CNTRL: variants seen among roughly 807,000 people sequenced by gnomAD.
CNTRL encodes 110 kDa centrosomal protein.
Under a neutral mutation model 303.7 loss-of-function variants are expected in CNTRL, and 233 were observed. The observed-to-expected ratio is 0.77, with a 90% confidence interval of 0.69 to 0.86. CNTRL has a LOEUF of 0.86. Among genes scored for constraint, CNTRL ranks in the 40% least tolerant of loss-of-function variants. The probability of loss-of-function intolerance (pLI) is 0.00; values close to 1 mark genes in which losing one functional copy is unlikely to be tolerated. For synonymous variants in CNTRL, 900 were observed against 922.2 expected (o/e 0.98, Z 0.44); for missense variants, 2,524 against 2,650.6 (o/e 0.95, Z 1.05).
At chr9:121,169,882 C>A in intron 39 of CNTRL, 66 bp downstream of exon 39, 1 of 1,244,590 alleles carries the variant, frequency 8.0e-7, no homozygotes, top group Non-Finnish European at 1.2e-6. Flanking sequence ...ACTGCAACAC[C>A]ACTTCAACAC....
At chr9:121,160,120 A>G in intron 31 of CNTRL, 23 bp from the exon 32 acceptor site, 1 of 1,429,950 alleles carries the variant, frequency 7.0e-7, no homozygotes, top group Non-Finnish European at 9.2e-7. Context: ...AGGAGGGAAT[A>G]ACTTTTTTTT....
At chr9:121,176,064 A>C (rs2053511278) in intron 43 of CNTRL, among the ~76,000 whole-genome samples, 1 of 152,244 alleles carries the variant, frequency 6.6e-6, no homozygotes, top group Non-Finnish European at 1.5e-5. Flanking sequence ...TAGCACACAC[A>C]ACTGTCAGAG....
intron 39 of CNTRL, 173 bp from the exon 40 acceptor site, chr9:121,171,235 G>A (rs994728612): frequency 5.7e-6 from 4 of 702,940 alleles, no homozygotes; most frequent in South Asian, 1.5e-5. Flanking sequence ...GTGTATATAC[G>A]CCCAGCTGTA....
chr9:121,091,295 C>A (rs531028136), intron 4 of CNTRL, among the ~76,000 whole-genome samples: 1 of 152,070 alleles, frequency 6.6e-6, no homozygotes, highest in East Asian at 1.9e-4. Flanking sequence ...ATTTCTACCA[C>A]GTATTATTCA....
Position 121,092,757 on chromosome 9 carries a change from ATC to A in CNTRL, c.349-2129_349-2128del, listed in dbSNP as rs2048707447. Among the ~76,000 whole-genome samples, 3 of 97,676 alleles carry A rather than the reference ATC, an allele frequency of 3.1e-5. 1 individual carries two copies. The highest frequency in any genetic ancestry group is 1.2e-4 in the African/African-American group (3 of 25,062). The allele number at this position is 97,676 out of a possible 152,430, so 64.1% of individuals were successfully genotyped here. On this transcript the variant is annotated intron_variant, in intron 4 of 43. Coordinates refer to ENST00000373855, the MANE Select transcript of CNTRL (RefSeq NM_007018.6). ...TAATATATATCTATATATAATATATATCTATATATATTATATATATCTATATA... is the reference window on the plus strand; with the variant it reads ...TAATATATATCTATATATAATATATATATATATATTATATATATCTATATA...
At chr9:121,080,035 G>A (rs2048079475) in intron 1 of CNTRL, among the ~76,000 whole-genome samples, 1 of 152,022 alleles carries the variant, frequency 6.6e-6, no homozygotes. Context: ...ATCATGCTAG[G>A]CCATAGAGAA....
chr9:121,176,816 C>CT (rs887244663), intron 43 of CNTRL, among the ~76,000 whole-genome samples: 11 of 152,276 alleles, frequency 7.2e-5, no homozygotes, highest in African/African-American at 2.6e-4. Flanking sequence ...AGATACTACA[C>CT]TTGATCTTAG....
chr9:121,149,195 G>A (rs2052057877), intron 24 of CNTRL, among the ~76,000 whole-genome samples: 1 of 152,146 alleles, frequency 6.6e-6, no homozygotes, highest in South Asian at 2.1e-4. Flanking sequence ...TTGTGTCCTT[G>A]CATCACGGCA....
rs2049660248 is a variant in CNTRL at position 121,109,721 on chromosome 9, A to G, written c.1002+1726A>G. 2.0e-5 allele frequency among the ~76,000 whole-genome samples: 3 copies of G among 152,270 alleles called. No homozygotes were observed. The South Asian group carries it at 6.2e-4, about 32-fold the overall frequency. On this transcript the variant is annotated intron_variant, in intron 8 of 43. Coordinates refer to ENST00000373855, the MANE Select transcript of CNTRL (RefSeq NM_007018.6). The stretch of plus-strand genomic sequence containing the variant: ...GTACACTTCAAAAAGCTTCTAACCA[A>G]TTTATATTTCAGAAGGGAAGAAAAT...
chr9:121,090,435 T>A (rs1301072818), intron 4 of CNTRL, 30 bp downstream of exon 4: 1 of 1,595,352 alleles, frequency 6.3e-7, no homozygotes, highest in South Asian at 1.1e-5. Context: ...TGAGCATAGA[T>A]ACTGTTTTTA....
At chr9:121,105,000 A>G (rs1019207410) in intron 7 of CNTRL, among the ~76,000 whole-genome samples, 6 of 152,204 alleles carry the variant, frequency 3.9e-5, no homozygotes, top group African/African-American at 1.4e-4. Flanking sequence ...GTGAGCCACC[A>G]TGCCCGGCTG....
intron 2 of CNTRL, among the ~76,000 whole-genome samples, chr9:121,085,024 T>C (rs372327578): frequency 6.6e-6 from 1 of 152,238 alleles, no homozygotes; most frequent in East Asian, 1.9e-4. Context: ...GGAAGATCTA[T>C]ACTTCAATAA....
intron 2 of CNTRL, among the ~76,000 whole-genome samples, chr9:121,084,304 C>T (rs1163652841): frequency 1.3e-5 from 2 of 152,142 alleles, no homozygotes; most frequent in Admixed American, 6.5e-5. Flanking sequence ...ATCATTTTTG[C>T]ATACACCTAA....
At chr9:121,151,378 T>C (rs986646960) in intron 25 of CNTRL, among the ~76,000 whole-genome samples, 2 of 125,566 alleles carry the variant, frequency 1.6e-5, no homozygotes, top group African/African-American at 5.4e-5. Flanking sequence ...CTTTTTCTTT[T>C]TTCTTCTTCT....
chr9:121,172,048 G>A (rs915454140), intron 40 of CNTRL, among the ~76,000 whole-genome samples: 5 of 152,042 alleles, frequency 3.3e-5, no homozygotes, highest in Non-Finnish European at 1.5e-5. Context: ...AACTCTAGTC[G>A]GGCTGCTGTA....
chr9:121,090,509 C>A (rs2048520250), intron 4 of CNTRL, 104 bp downstream of exon 4: 2 of 1,064,854 alleles, frequency 1.9e-6, no homozygotes, highest in Admixed American at 5.0e-5. Context: ...TGTGGCAGAC[C>A]TTTTATTGTT....
chr9:121,161,291 C>T, intron 32 of CNTRL: 1 of 441,460 alleles, frequency 2.3e-6, no homozygotes, highest in East Asian at 3.6e-5. Context: ...AGCTTTTCTA[C>T]AGTAAGCAAG....
chr9:121,125,750 T>C lies in CNTRL; in HGVS notation c.1839T>C (p.Asp613=). 1.2e-6 allele frequency: 2 copies of C among 1,614,052 alleles called. No homozygotes were observed. The highest frequency in any genetic ancestry group is 1.7e-6 in the Non-Finnish European group (2 of 1,179,980). ...QIAANEALKK[D]LEGVISGLQE... ...CAGCAAATGAAGCCCTGAAGAAGGA[T>C]TTAGAAGGTGTTATCAGTGGGTTGC... Residue 613 remains aspartate, a synonymous_variant, in exon 14 of 44, where the codon GAT becomes GAC. Coordinates refer to ENST00000373855, the MANE Select transcript of CNTRL (RefSeq NM_007018.6).
rs759476015 is a variant in CNTRL at position 121,143,300 on chromosome 9, GCTAGAC to G, written c.2872-601_2872-596del. On this transcript the variant is annotated intron_variant, in intron 19 of 43. Transcript: ENST00000373855. ...TATATGTCCTTTTTCCTTCTCTGATGCTAGACCCTTGTGCTGTCATCATCTCTCTTC... is the reference window on the plus strand; with the variant it reads ...TATATGTCCTTTTTCCTTCTCTGATGCCTTGTGCTGTCATCATCTCTCTTC... 2.6e-4 allele frequency among the ~76,000 whole-genome samples: 40 copies of G among 152,254 alleles called. 1 individual carries two copies. Among genetic ancestry groups the G allele is most frequent in the Non-Finnish European group, 4.9e-4 (33 of 68,016 alleles).
Sources: gnomAD v4.1 joint callset for allele counts (sites outside exome capture counted in the v4.1 genomes callset) on GRCh38, gnomAD v4.1.1 for gene constraint, MANE v1.5 for transcripts, NCBI Gene and HGNC (gene_info 2026-07-23, HGNC 2026-07-21) for gene names.